Variants in ANKRD34B observed in about 807,000 individuals in gnomAD.
The protein encoded by ANKRD34B is ankyrin repeat domain 34B.
ANKRD34B carries 2 observed loss-of-function variants against 4.4 expected under a neutral mutation model. The observed-to-expected ratio is 0.46, with a 90% CI of 0.19 to 1.44. The LOEUF (loss-of-function observed/expected upper bound fraction) is 1.44. ANKRD34B is among the 40% of genes most tolerant of loss of function. The pLI, the probability that ANKRD34B is intolerant of heterozygous loss-of-function variation, is 0.26. For synonymous variants in ANKRD34B, 226 were observed against 227.1 expected, an observed-to-expected ratio of 0.99 and a Z score of 0.05; for missense variants, 558 against 604.7, an observed-to-expected ratio of 0.92 and a Z score of 0.81.
intron 4 of ANKRD34B, among the ~76,000 whole-genome samples, chr5:80,562,464 G>C (rs1746431981): frequency 1.3e-5 from 2 of 152,152 alleles, no homozygotes; most frequent in African/African-American, 4.8e-5. Flanking sequence ...GAGACACCAG[G>C]CATGTTTGAG....
intron 2 of ANKRD34B, 35 bp downstream of exon 2, chr5:80,568,925 C>CACAGAGAGAGAGAGAGAG: frequency 2.0e-5 from 1 of 49,900 alleles, no homozygotes; most frequent in African/African-American, 6.7e-5. Context: ...CACACACACA[C>CACAGAGAGAGAGAGAGAG]AGAGAGAGAG....
rs756476173 is a variant in ANKRD34B at position 80,559,958 on chromosome 5, C to T, written c.62G>A (p.Ser21Asn). ...GNSLIKAVHQ[S>N]RLRLTRLLLE... is the part of the protein sequence containing the mutation. ...CAAAAGTCTTGTGAGGCGAAGCCGG[C>T]TCTGATGGACTGCTTTGATCAAGGA... is the stretch of plus-strand genomic sequence containing the variant. Residue 21 changes from serine (S) to asparagine (N), a missense_variant, in exon 5 of 5, where the codon AGC (serine) becomes AAC (asparagine). Transcript: ENST00000338682. The T allele has an allele frequency of 1.1e-5, 17 of 1,612,576 alleles. No homozygotes were observed. The highest frequency in any genetic ancestry group is 1.7e-5 in the Admixed American group (1 of 59,636).
chr5:80,561,856 C>T (rs1298990422), intron 4 of ANKRD34B, among the ~76,000 whole-genome samples: 1 of 152,080 alleles, frequency 6.6e-6, no homozygotes, highest in Non-Finnish European at 1.5e-5. Flanking sequence ...TACAACCAAA[C>T]TTCAGGAAAA....
At chr5:80,562,238 G>A (rs755262929) in intron 4 of ANKRD34B, among the ~76,000 whole-genome samples, 1 of 152,062 alleles carries the variant, frequency 6.6e-6, no homozygotes, top group Non-Finnish European at 1.5e-5. Context: ...TATGCAGAAT[G>A]TCAGCTCCAC....
In ANKRD34B at chr5:80,557,750, G is replaced by GT. The variant is rs1280992405; in HGVS notation, c.*724dup. 1 of 152,048 alleles carries GT rather than the reference G, an allele frequency of 6.6e-6. No individual in the cohort carries two copies. The highest frequency in any genetic ancestry group is 1.5e-5 in the Non-Finnish European group (1 of 68,000). The allele number at this position is 152,048 out of a possible 1,614,324, so 9.4% of individuals were successfully genotyped here. The stretch of plus-strand genomic sequence containing the variant: ...ATAATTCCGTAAGATAACTTTACAG[G>GT]TAAGTCTGTTTAAAAACCAAAACAA... On this transcript the variant is annotated 3_prime_UTR_variant, in exon 5 of 5. Coordinates refer to ENST00000338682, the MANE Select transcript of ANKRD34B (RefSeq NM_001004441.3).
intron 1 of ANKRD34B, among the ~76,000 whole-genome samples, chr5:80,569,591 TCAGCCCCTCCGGAGAC>T (rs1746692993): frequency 1.3e-4 from 1 of 7,722 alleles, no homozygotes; most frequent in African/African-American, 2.3e-4. Context: ...CGCGCCCAAG[TCAGCCCCTCCGGAGAC>T]GCGCCCAAGT....
chr5:80,568,806 T>C (rs1291475893), intron 2 of ANKRD34B, among the ~76,000 whole-genome samples, 154 bp downstream of exon 2: 1 of 151,794 alleles, frequency 6.6e-6, no homozygotes. Flanking sequence ...AGGGCTGCCG[T>C]GTTCTCCTAG....
rs201972884 is a variant in ANKRD34B at position 80,566,011 on chromosome 5, C to T, written c.-105+678G>A. Among the ~76,000 whole-genome samples the T allele has an allele frequency of 7.9e-5, 12 of 152,296 alleles. No homozygotes were observed. The East Asian group carries it at 2.3e-3, about 29-fold the overall frequency. ...CTCATCATGGCATATTTACGATGCTCCTTTAGTTCCTCCCTCTATGCCCAA... is the reference window on the plus strand; with the variant it reads ...CTCATCATGGCATATTTACGATGCTTCTTTAGTTCCTCCCTCTATGCCCAA... On this transcript the variant is annotated intron_variant, in intron 3 of 4. Transcript: ENST00000338682.
Position 80,559,114 on chromosome 5 carries a change from AGT to A in ANKRD34B, c.904_905del (p.Thr302CysfsTer8). The A allele has an allele frequency of 6.2e-7, 1 of 1,614,222 alleles. No homozygotes were observed. The highest frequency in any genetic ancestry group is 8.5e-7 in the Non-Finnish European group (1 of 1,180,048). On this transcript the variant is annotated frameshift_variant, in exon 5 of 5. Transcript: ENST00000338682. LOFTEE classifies it low-confidence loss of function (END_TRUNC). ...GATCAAAGGCTCTTAGCAAATGTGC[AGT>A]GTCTTTTACATCAATGCTTTGGTGC... ...TRHQSIDVKD[T>X]AHLLRAFDQA...
At chr5:80,563,120 T>C (rs1196478485) in intron 4 of ANKRD34B, among the ~76,000 whole-genome samples, 1 of 152,158 alleles carries the variant, frequency 6.6e-6, no homozygotes, top group Non-Finnish European at 1.5e-5. Flanking sequence ...AAATAATTAT[T>C]TTACTTAGGG....
At chr5:80,560,100 T>A in intron 4 of ANKRD34B, 58 bp from the exon 5 acceptor site, 1 of 1,006,498 alleles carries the variant, frequency 9.9e-7, no homozygotes, top group South Asian at 1.7e-5. Flanking sequence ...TCCCAACTTA[T>A]ATTCATTTTG....
At chr5:80,568,923 C>CAGAGAGAGAG (rs1465629441) in intron 2 of ANKRD34B, 37 bp downstream of exon 2, 2 of 40,462 alleles carry the variant, frequency 4.9e-5, no homozygotes, top group African/African-American at 1.1e-4. Flanking sequence ...CACACACACA[C>CAGAGAGAGAG]ACAGAGAGAG....
Position 80,559,692 on chromosome 5 carries a change from C to T in ANKRD34B, c.328G>A (p.Asp110Asn), listed in dbSNP as rs868146679. ...VVSLLLKSGA[D>N]LSLQDHSSYS... ...CTAGAATGGTCTTGCAAGCTGAGGT[C>T]AGCCCCACTCTTGAGGAGCAAGGAA... Residue 110 changes from aspartate to asparagine, a missense_variant, in exon 5 of 5, where the codon GAC becomes AAC. Physicochemically the swap from Asp to Asn is conservative, Grantham distance 23. Transcript: ENST00000338682. 6.2e-7 allele frequency: 1 copy of T among 1,614,194 alleles called. No homozygotes were observed. The highest frequency in any genetic ancestry group is 8.5e-7 in the Non-Finnish European group (1 of 1,180,044).
chr5:80,565,474 G>A (rs563610139), intron 3 of ANKRD34B, among the ~76,000 whole-genome samples: 4 of 152,360 alleles, frequency 2.6e-5, no homozygotes, highest in Admixed American at 2.6e-4. Flanking sequence ...TCCGACAGGT[G>A]TCAATCGTGA....
chr5:80,569,709 C>G (rs1746699590), intron 1 of ANKRD34B, among the ~76,000 whole-genome samples: 2 of 152,196 alleles, frequency 1.3e-5, no homozygotes, highest in Non-Finnish European at 2.9e-5. Flanking sequence ...CGCCCCGCAT[C>G]CTCCTCGACA....
intron 2 of ANKRD34B, among the ~76,000 whole-genome samples, chr5:80,568,601 C>A (rs970841372): frequency 6.6e-6 from 1 of 152,134 alleles, no homozygotes; most frequent in Admixed American, 6.5e-5. Flanking sequence ...TTGCCACAAG[C>A]AAATGTGTAC....
In ANKRD34B at chr5:80,556,878, A is replaced by C. The variant is rs1158829272; in HGVS notation, c.*1597T>G. ...TCTCGATATTTAACTTGCAGAAAGC[A>C]TTTAAATACCTATAAATATCAGGTA... On this transcript the variant is annotated 3_prime_UTR_variant, in exon 5 of 5. Coordinates refer to ENST00000338682, the MANE Select transcript of ANKRD34B (RefSeq NM_001004441.3). 1 of 152,676 alleles carries C rather than the reference A, an allele frequency of 6.5e-6. No homozygotes were observed. Among genetic ancestry groups the C allele is most frequent in the Non-Finnish European group, 1.5e-5 (1 of 68,040 alleles). The allele number at this position is 152,676 out of a possible 1,614,324, so 9.5% of individuals were successfully genotyped here.
intron 3 of ANKRD34B, chr5:80,564,487 C>T (rs1277346661): frequency 6.6e-6 from 1 of 152,134 alleles, no homozygotes; most frequent in Non-Finnish European, 1.5e-5. Context: ...GGACAGTGGC[C>T]CCATCACAGT....
In ANKRD34B at chr5:80,559,889, T is replaced by TC. The variant is rs1746368851; in HGVS notation, c.130dup (p.Glu44GlyfsTer9). ...CTTACAAGCGATCATTAAAGGGGTT[T>TC]CCCCACGGTCGTTGCTCTCATTAAT... On this transcript the variant is annotated frameshift_variant, in exon 5 of 5. Transcript: ENST00000338682. LOFTEE classifies it low-confidence loss of function (END_TRUNC). The TC allele has an allele frequency of 6.2e-7, 1 of 1,614,120 alleles. No individual in the cohort carries two copies. The highest frequency in any genetic ancestry group is 1.3e-5 in the African/African-American group (1 of 74,948).
Sources: gnomAD v4.1 joint callset for allele counts (sites outside exome capture counted in the v4.1 genomes callset) on GRCh38, gnomAD v4.1.1 for gene constraint, MANE v1.5 for transcripts, NCBI Gene and HGNC (gene_info 2026-07-23, HGNC 2026-07-21) for gene names.